ANO1: variants seen among roughly 807,000 people sequenced by gnomAD.
ANO1 encodes the protein anoctamin 1, also known as anoctamin-1.
Under a neutral mutation model 124.0 loss-of-function variants are expected in ANO1, and 59 were observed. The observed-to-expected ratio is 0.48, with a 90% CI of 0.39 to 0.59. The LOEUF is 0.59. Ranked by LOEUF, ANO1 falls within the 20% of genes least tolerant of loss-of-function variation. ANO1 has a pLI of 0.00. For missense variants in ANO1, 1,059 were observed against 1,328.0 expected, an observed-to-expected ratio of 0.80 and a Z score of 3.15; for synonymous variants, 529 against 532.0, an observed-to-expected ratio of 0.99 and a Z score of 0.08.
the ANO1 span, among the ~76,000 whole-genome samples, chr11:69,977,987 G>C: frequency 6.6e-6 from 1 of 152,194 alleles, no homozygotes; most frequent in East Asian, 1.9e-4. Context: ...CTTCCCAAAG[G>C]GACACTTGAG....
intron 9 of ANO1, 96 bp downstream of exon 9, chr11:70,124,510 C>G (rs746679916): frequency 1.0e-5 from 13 of 1,295,890 alleles, no homozygotes; most frequent in Non-Finnish European, 1.4e-5. Context: ...ATGTTCAGTA[C>G]CCGGGAACGT....
At position 70,103,116 on chromosome 11, in the gene ANO1, G is replaced by A. The variant is rs2135353946; in HGVS notation, c.492G>A (p.Val164=). 1 of 1,613,018 alleles carries A rather than the reference G, an allele frequency of 6.2e-7. No individual in the cohort carries two copies. Among genetic ancestry groups the A allele is most frequent in the Non-Finnish European group, 8.5e-7 (1 of 1,179,558 alleles). The change falls in exon 3 of 26, where the codon GTG becomes GTA. Residue 164 remains valine, a synonymous_variant. Coordinates refer to ENST00000355303, the MANE Select transcript of ANO1 (RefSeq NM_018043.7). ...GFVKIHAPWN[V]LCREAEFLKL... is the part of the protein sequence containing the mutation. ...TGAAAATCCATGCCCCCTGGAACGT[G>A]CTGTGCAGAGAGGCCGAGTTTCTGA...
intron 11 of ANO1, among the ~76,000 whole-genome samples, chr11:70,135,680 C>T (rs2046928884): frequency 6.6e-6 from 1 of 152,210 alleles, no homozygotes; most frequent in African/African-American, 2.4e-5. Context: ...CGTGGTGTTT[C>T]ATTTTCTCCT....
chr11:69,971,231 T>C, the ANO1 span, among the ~76,000 whole-genome samples: 1 of 152,136 alleles, frequency 6.6e-6, no homozygotes, highest in African/African-American at 2.4e-5. Context: ...TCCTCATCTG[T>C]AAAAGGGGAG....
intron 1 of ANO1, among the ~76,000 whole-genome samples, chr11:70,032,669 C>T (rs1591046977): frequency 6.6e-6 from 1 of 152,064 alleles, no homozygotes; most frequent in African/African-American, 2.4e-5. Flanking sequence ...TGGCTTCTGC[C>T]CATCTGGAAG....
At chr11:70,176,703 G>A (rs1389509627) in intron 22 of ANO1, among the ~76,000 whole-genome samples, 1 of 152,148 alleles carries the variant, frequency 6.6e-6, no homozygotes, top group Non-Finnish European at 1.5e-5. Context: ...CCCGCCCCCT[G>A]CTTCCTGTCA....
At chr11:70,118,188 C>A (rs1250119536) in intron 8 of ANO1, among the ~76,000 whole-genome samples, 3 of 151,530 alleles carry the variant, frequency 2.0e-5, no homozygotes, top group African/African-American at 7.3e-5. Flanking sequence ...CTGAACCCTA[C>A]CCCCTCTTCC....
rs751338676 is a variant in ANO1 at position 70,088,522 on chromosome 11, A to AG, written c.441+438_441+439insG. Among the ~76,000 whole-genome samples the AG allele has an allele frequency of 2.5e-4, 28 of 110,562 alleles. 1 individual carries two copies. The highest frequency in any genetic ancestry group is 3.8e-4 in the South Asian group (1 of 2,600). 72.5% of individuals were successfully genotyped at this position (110,562 alleles called of 152,430 possible). A position where few individuals can be genotyped will look rare whatever the true frequency, so the allele number is the denominator to read the frequency against. ...GACTCTGCCTCAAAAAAAAAAAAAA[A>AG]AAAAAAGAAGAAGAAGACAGGGCAG... On this transcript the variant is annotated intron_variant, in intron 2 of 25. Coordinates refer to ENST00000355303, the MANE Select transcript of ANO1 (RefSeq NM_018043.7).
In ANO1 at chr11:70,062,063, C is replaced by CTTTTTTTT. The variant is rs1857593075; in HGVS notation, c.59-16476_59-16475insTTTTTTTT. On this transcript the variant is annotated intron_variant, in intron 1 of 27. Coordinates refer to the ANO1 transcript ENST00000531349. The stretch of plus-strand genomic sequence containing the variant: ...AGAGGTGATTTTTTTCTCTTTCCTT[C>CTTTTTTTT]TTTCTTTTTTTTTTTTTTTTTTTTT... Among the ~76,000 whole-genome samples, 10 of 76,714 alleles carry CTTTTTTTT rather than the reference C, an allele frequency of 1.3e-4. 3 individuals are homozygous for CTTTTTTTT. The highest frequency in any genetic ancestry group is 1.4e-4 in the Admixed American group (1 of 7,008). The allele number at this position is 76,714 out of a possible 152,430, so 50.3% of individuals were successfully genotyped here.
At chr11:70,063,331 G>C (rs535637016) in intron 1 of ANO1, among the ~76,000 whole-genome samples, 3 of 152,304 alleles carry the variant, frequency 2.0e-5, no homozygotes, top group East Asian at 3.9e-4. Flanking sequence ...TCAGCTCCTC[G>C]GGCCCAGACC....
intron 1 of ANO1, among the ~76,000 whole-genome samples, chr11:70,024,263 G>T (rs1555002939): frequency 6.6e-6 from 1 of 152,184 alleles, no homozygotes; most frequent in African/African-American, 2.4e-5. Flanking sequence ...AATGGCCTGG[G>T]GGATGCTTAG....
intron 1 of ANO1, among the ~76,000 whole-genome samples, chr11:70,033,138 A>C (rs1369296604): frequency 6.6e-6 from 1 of 152,148 alleles, no homozygotes; most frequent in Admixed American, 6.5e-5. Flanking sequence ...TCCAGGGGTC[A>C]GGCTCCGGGT....
intron 11 of ANO1, among the ~76,000 whole-genome samples, chr11:70,145,303 C>CAGACA (rs1391635796): frequency 6.6e-5 from 10 of 152,166 alleles, no homozygotes; most frequent in Non-Finnish European, 1.5e-4. Context: ...CCACAAAAGC[C>CAGACA]AGACAATAGG....
In ANO1 at chr11:70,162,484, G is replaced by T. The variant is rs570464559; in HGVS notation, c.1892+751G>T. 3.9e-4 allele frequency among the ~76,000 whole-genome samples: 60 copies of T among 152,136 alleles called. 1 individual carries two copies. Among genetic ancestry groups the T allele is most frequent in the Non-Finnish European group, 5.3e-4 (36 of 67,990 alleles). ...AGGAGAGAGGAGGGTGTGGAAATGC[G>T]GCTGCTGGCCACTTGAGCCCTCTTC... On this transcript the variant is annotated intron_variant, in intron 18 of 25. Transcript: ENST00000355303.
At chr11:69,977,672 G>A in the ANO1 span, among the ~76,000 whole-genome samples, 2 of 152,204 alleles carry the variant, frequency 1.3e-5, no homozygotes, top group South Asian at 4.1e-4. Flanking sequence ...GGTGGCCTGG[G>A]GACACGGACT....
chr11:70,184,199 C>G (rs556865396), intron 24 of ANO1, among the ~76,000 whole-genome samples: 80 of 152,338 alleles, frequency 5.3e-4, no homozygotes, highest in African/African-American at 1.9e-3. Context: ...GGGACGTCAG[C>G]TCCATTCAAG....
chr11:69,987,379 C>T (rs980807430), intron 1 of ANO1, among the ~76,000 whole-genome samples: 1 of 152,202 alleles, frequency 6.6e-6, no homozygotes, highest in Non-Finnish European at 1.5e-5. Context: ...ATGCTTCACA[C>T]ATTTATCCTC....
Position 70,078,579 on chromosome 11 carries a change from C to T in ANO1, c.-28C>T, listed in dbSNP as rs1430011197. ...CCGTGGATGGGGAGGGCGCGCCGCC[C>T]GGCGGTCCCAGCGCACAGGCGGCCA... On this transcript the variant is annotated 5_prime_UTR_variant, in exon 1 of 26. Coordinates refer to ENST00000355303, the MANE Select transcript of ANO1 (RefSeq NM_018043.7). 1.4e-5 allele frequency: 20 copies of T among 1,426,268 alleles called. No individual in the cohort carries two copies. The Admixed American group carries it at 4.2e-4, about 30-fold the overall frequency. The allele number at this position is 1,426,268 out of a possible 1,614,324, so 88.4% of individuals were successfully genotyped here. A position where few individuals can be genotyped will look rare whatever the true frequency, so the allele number is the denominator to read the frequency against.
chr11:70,167,200 C>A, intron 20 of ANO1, 42 bp from the exon 21 acceptor site: 1 of 1,603,958 alleles, frequency 6.2e-7, no homozygotes, highest in South Asian at 1.1e-5. Flanking sequence ...CCCCCAAATT[C>A]ACCCTCCTGC....
Sources: gnomAD v4.1 joint callset for allele counts (sites outside exome capture counted in the v4.1 genomes callset) on GRCh38, gnomAD v4.1.1 for gene constraint, MANE v1.5 for transcripts, NCBI Gene and HGNC (gene_info 2026-07-23, HGNC 2026-07-21) for gene names.